The following EPHA6 variants were observed in gnomAD, a reference collection of about 807,000 sequenced individuals.
EPHA6 encodes EPH receptor A6, also known as ephrin type-A receptor 6.
A neutral mutation model predicts 112.0 loss-of-function variants in EPHA6; 50 were observed. The observed-to-expected ratio is 0.45, with a 90% CI of 0.36 to 0.56. The LOEUF (loss-of-function observed/expected upper bound fraction) is 0.56. EPHA6 is among the 20% of genes least tolerant of loss of function. The pLI, the probability that EPHA6 is intolerant of heterozygous loss-of-function variation, is 0.00. For synonymous variants in EPHA6, 529 were observed against 490.7 expected (o/e 1.08, Z -1.03); for missense variants, 1,280 against 1,417.4 (o/e 0.90, Z 1.56).
chr3:97,276,463 G>A (rs1385230332), intron 5 of EPHA6, among the ~76,000 whole-genome samples: 11 of 152,144 alleles, frequency 7.2e-5, no homozygotes. Context: ...TGGGAGAGGA[G>A]GTTCTGGAGG....
At chr3:97,289,137 A>G (rs1458829573) in intron 5 of EPHA6, among the ~76,000 whole-genome samples, 1 of 152,068 alleles carries the variant, frequency 6.6e-6, no homozygotes, top group Admixed American at 6.6e-5. Flanking sequence ...TGGAGGACTT[A>G]GTCATAATTT....
At chr3:97,296,486 T>C (rs1293203724) in intron 5 of EPHA6, among the ~76,000 whole-genome samples, 1 of 152,132 alleles carries the variant, frequency 6.6e-6, no homozygotes, top group Admixed American at 6.5e-5. Flanking sequence ...ATGATAGCAG[T>C]GGAGAAAGCC....
chr3:97,610,716 C>A, intron 12 of EPHA6, 77 bp from the exon 13 acceptor site: 1 of 1,137,068 alleles, frequency 8.8e-7, no homozygotes, highest in Non-Finnish European at 1.3e-6. Flanking sequence ...TTAGTTGCCA[C>A]AGCTGGGTAT....
At chr3:97,256,386 A>G (rs2079314263) in intron 5 of EPHA6, among the ~76,000 whole-genome samples, 1 of 151,904 alleles carries the variant, frequency 6.6e-6, no homozygotes, top group African/African-American at 2.4e-5. Context: ...CCTTTATTTA[A>G]CGTAAATTTG....
chr3:97,405,311 T>G, intron 6 of EPHA6, 37 bp downstream of exon 6: 2 of 1,499,446 alleles, frequency 1.3e-6, no homozygotes, highest in Non-Finnish European at 1.8e-6. Context: ...AAACTACATA[T>G]ATATGCATAT....
At position 97,336,931 on chromosome 3, in the gene EPHA6, G is replaced by A. The variant is rs188912242; in HGVS notation, c.1607-68219G>A. Among the ~76,000 whole-genome samples the A allele has an allele frequency of 1.2e-3, 187 of 151,626 alleles. 1 individual carries two copies. The highest frequency in any genetic ancestry group is 3.7e-3 in the African/African-American group (151 of 41,338). On this transcript the variant is annotated intron_variant, in intron 5 of 17. Transcript: ENST00000389672. ...TTCTCCCTCCCAGATTATCTGGGATGCCGCTAAGTTGAACAGTTACTGTAA... is the reference window on the plus strand; with the variant it reads ...TTCTCCCTCCCAGATTATCTGGGATACCGCTAAGTTGAACAGTTACTGTAA...
intron 12 of EPHA6, among the ~76,000 whole-genome samples, chr3:97,596,898 ATATATATG>A (rs1348964129): frequency 7.2e-5 from 10 of 138,994 alleles, no homozygotes; most frequent in African/African-American, 1.4e-4. Context: ...ATATATATAT[ATATATATG>A]TATGTATATA....
intron 5 of EPHA6, among the ~76,000 whole-genome samples, chr3:97,257,371 T>C (rs1450827323): frequency 6.6e-6 from 1 of 151,802 alleles, no homozygotes; most frequent in African/African-American, 2.4e-5. Flanking sequence ...CATGGTAAAA[T>C]TGGCAAAAGA....
intron 5 of EPHA6, among the ~76,000 whole-genome samples, chr3:97,254,013 C>A (rs2079224034): frequency 6.6e-6 from 1 of 151,888 alleles, no homozygotes; most frequent in Admixed American, 6.6e-5. Flanking sequence ...GTTTCTCATT[C>A]TATTTTTATG....
At chr3:97,272,823 CAG>C (rs1157573526) in intron 5 of EPHA6, among the ~76,000 whole-genome samples, 1 of 152,050 alleles carries the variant, frequency 6.6e-6, no homozygotes, top group African/African-American at 2.4e-5. Flanking sequence ...GTGCAGGTCA[CAG>C]GGGATATGAT....
intron 3 of EPHA6, among the ~76,000 whole-genome samples, chr3:97,219,210 G>T (rs939896197): frequency 2.0e-5 from 3 of 151,982 alleles, no homozygotes; most frequent in African/African-American, 7.3e-5. Flanking sequence ...ACCATTCTGG[G>T]GTTTAGTGGA....
intron 3 of EPHA6, among the ~76,000 whole-genome samples, chr3:97,142,673 A>G (rs1198813790): frequency 6.6e-6 from 1 of 151,892 alleles, no homozygotes; most frequent in Non-Finnish European, 1.5e-5. Flanking sequence ...TCAGTAATAA[A>G]ACATCTTCCA....
intron 2 of EPHA6, among the ~76,000 whole-genome samples, chr3:96,938,779 TC>T (rs1216921764): frequency 3.3e-5 from 5 of 152,050 alleles, no homozygotes; most frequent in Admixed American, 6.6e-5. Flanking sequence ...TTGAGATACG[TC>T]CCATCAATAC....
intron 2 of EPHA6, among the ~76,000 whole-genome samples, chr3:96,895,254 T>C (rs1207129178): frequency 6.6e-6 from 1 of 152,064 alleles, no homozygotes. Context: ...TGTTTTTTTT[T>C]CTTAGTTTTT....
At chr3:97,722,265 A>G (rs1386057756) in intron 15 of EPHA6, among the ~76,000 whole-genome samples, 1 of 152,168 alleles carries the variant, frequency 6.6e-6, no homozygotes, top group East Asian at 1.9e-4. Context: ...TACAAGTACT[A>G]CTGTACTAAT....
intron 6 of EPHA6, among the ~76,000 whole-genome samples, chr3:97,420,755 C>T (rs1440067361): frequency 1.3e-5 from 2 of 151,184 alleles, no homozygotes; most frequent in African/African-American, 4.9e-5. Flanking sequence ...ATAATAACTA[C>T]AGGTAAATCT....
At chr3:96,939,620 G>T (rs980777375) in intron 2 of EPHA6, among the ~76,000 whole-genome samples, 9 of 152,110 alleles carry the variant, frequency 5.9e-5, no homozygotes, top group African/African-American at 1.9e-4. Context: ...CTGCTCTGAT[G>T]TTAGTTATTT....
chr3:97,116,331 C>T (rs1182396183), intron 3 of EPHA6, among the ~76,000 whole-genome samples: 1 of 151,532 alleles, frequency 6.6e-6, no homozygotes, highest in African/African-American at 2.4e-5. Flanking sequence ...ATATCTATAA[C>T]TTCACATAGT....
At chr3:97,662,567 A>T (rs1370033251) in intron 14 of EPHA6, among the ~76,000 whole-genome samples, 2 of 152,144 alleles carry the variant, frequency 1.3e-5, no homozygotes, top group African/African-American at 4.8e-5. Flanking sequence ...ATCCAAAATA[A>T]ATATTCTCCG....
Sources: allele counts gnomAD v4.1 joint callset (sites outside exome capture counted in the v4.1 genomes callset), GRCh38; gene constraint gnomAD v4.1.1; transcripts MANE v1.5; gene names NCBI Gene and HGNC (gene_info 2026-07-23, HGNC 2026-07-21).